ERG: variants seen among roughly 807,000 people sequenced by gnomAD.
The protein encoded by ERG is transcriptional regulator ERG.
Under a neutral mutation model 55.3 loss-of-function variants are expected in ERG, and 9 were observed. That is an observed-to-expected ratio of 0.16 (90% CI 0.10 to 0.28). ERG has a LOEUF of 0.28. ERG is among the 10% of genes least tolerant of loss of function. ERG has a pLI of 1.00. For missense variants in ERG, 434 were observed against 631.6 expected (o/e 0.69, Z 3.35); for synonymous variants, 223 against 237.3 (o/e 0.94, Z 0.55).
intron 1 of ERG, among the ~76,000 whole-genome samples, chr21:38,597,107 A>T (rs1283956404): frequency 2.0e-5 from 3 of 152,208 alleles, no homozygotes; most frequent in African/African-American, 7.2e-5. Context: ...GAGAAAAGGA[A>T]AGATCATTGC....
At position 38,650,885 on chromosome 21, in the gene ERG, A is replaced by G. The variant is rs553101857; in HGVS notation, c.-150+10773T>C. ...CCTTGTAAAGGTTAATTCTATAGCAATACATTTAGTTGATGTGCTTTCTTC... is the reference window on the plus strand; with the variant it reads ...CCTTGTAAAGGTTAATTCTATAGCAGTACATTTAGTTGATGTGCTTTCTTC... On this transcript the variant is annotated intron_variant, in intron 1 of 10. Transcript: ENST00000398910. Among the ~76,000 whole-genome samples, 20 of 152,366 alleles carry G rather than the reference A, an allele frequency of 1.3e-4. No homozygotes were observed. The South Asian group carries it at 2.1e-3, about 16-fold the overall frequency.
chr21:38,646,715 A>G (rs2836591), intron 1 of ERG, among the ~76,000 whole-genome samples: 9,411 of 152,028 alleles, frequency 0.062, 931 homozygotes, highest in African/African-American at 0.21. Context: ...ATACCGGCCC[A>G]GTTTTGTTTC....
intron 2 of ERG, among the ~76,000 whole-genome samples, chr21:38,527,011 A>C (rs143003401): frequency 6.6e-6 from 1 of 152,172 alleles, no homozygotes. Flanking sequence ...ATGTTCACCA[A>C]TTCCTAAGAA....
At chr21:38,489,243 A>C (rs1355456618) in intron 1 of ERG, among the ~76,000 whole-genome samples, 2 of 152,244 alleles carry the variant, frequency 1.3e-5, no homozygotes, top group African/African-American at 4.8e-5. Context: ...GGCTTTAAAA[A>C]ATGTATACAT....
At chr21:38,375,980 T>C (rs1987231834), downstream of ERG, among the ~76,000 whole-genome samples, 3 of 152,216 alleles carry the variant, frequency 2.0e-5, no homozygotes, top group Non-Finnish European at 2.9e-5. Context: ...TAGCATCATA[T>C]GAATAATCAT....
chr21:38,628,252 C>T (rs1479994054), intron 1 of ERG, among the ~76,000 whole-genome samples: 1 of 152,136 alleles, frequency 6.6e-6, no homozygotes, highest in Middle Eastern at 3.2e-3. Context: ...ACACAGCCTG[C>T]TTTTTCTTTC....
chr21:38,592,292 C>T (rs1369092873), intron 1 of ERG, among the ~76,000 whole-genome samples: 3 of 152,192 alleles, frequency 2.0e-5, no homozygotes. Flanking sequence ...GAGGAGCCAG[C>T]TCTAGCACAC....
chr21:38,493,932 G>A (rs923414067), intron 1 of ERG, among the ~76,000 whole-genome samples: 45 of 152,196 alleles, frequency 3.0e-4, no homozygotes, highest in African/African-American at 1.0e-3. Flanking sequence ...ATGTTGAGAC[G>A]AGTGAGTGCA....
At chr21:38,594,207 T>TA (rs1027789850) in intron 1 of ERG, among the ~76,000 whole-genome samples, 32 of 152,192 alleles carry the variant, frequency 2.1e-4, no homozygotes, top group African/African-American at 7.7e-4. Context: ...CACTGAGTTT[T>TA]GACTGGTTTA....
intron 1 of ERG, among the ~76,000 whole-genome samples, chr21:38,464,969 G>A (rs116315836): frequency 0.013 from 1,965 of 152,216 alleles, 41 homozygotes; most frequent in African/African-American, 0.045. Flanking sequence ...TATTGTTGAT[G>A]AGCATTTGAG....
At chr21:38,500,602 C>T (rs1308139576), upstream of ERG, among the ~76,000 whole-genome samples, 2 of 152,158 alleles carry the variant, frequency 1.3e-5, no homozygotes, top group Admixed American at 1.3e-4. Flanking sequence ...CACACATGCT[C>T]TCTCTCTCTC....
chr21:38,654,757 A>G (rs1031812181), intron 1 of ERG, among the ~76,000 whole-genome samples: 12 of 152,164 alleles, frequency 7.9e-5, no homozygotes, highest in Admixed American at 7.9e-4. Context: ...TTTTTCCTCC[A>G]CTTTTGCTTA....
intron 2 of ERG, among the ~76,000 whole-genome samples, chr21:38,517,704 C>T (rs1280724596): frequency 6.6e-6 from 1 of 152,112 alleles, no homozygotes; most frequent in Admixed American, 6.6e-5. Flanking sequence ...ATGAAATCAA[C>T]CTAAATGTCC....
chr21:38,378,694 T>G (rs1987307111), downstream of ERG, among the ~76,000 whole-genome samples: 1 of 152,146 alleles, frequency 6.6e-6, no homozygotes, highest in Non-Finnish European at 1.5e-5. Context: ...GGCCCAGAAT[T>G]GATGTTGCAG....
In ERG at chr21:38,402,604, TCAA is replaced by T; in HGVS notation, c.623_625del (p.Val208del). 1 of 1,599,824 alleles carries T rather than the reference TCAA, an allele frequency of 6.3e-7. No homozygotes were observed. The highest frequency in any genetic ancestry group is 1.4e-5 in the African/African-American group (1 of 71,716). On this transcript the variant is annotated inframe_deletion, in exon 5 of 10. Coordinates refer to ENST00000288319, the MANE Select transcript of ERG (RefSeq NM_182918.4). ...CCGTGGAGAGTTTTGTAAGGCTTTA[TCAA>T]CATCATCTGAAGTCAAATGTGGAAG...
intron 2 of ERG, among the ~76,000 whole-genome samples, chr21:38,537,433 GA>G (rs111811547): frequency 1.0e-3 from 118 of 117,426 alleles, no homozygotes; most frequent in African/African-American, 4.1e-3. Flanking sequence ...TTAATATCCA[GA>G]AAAAAAAATA....
chr21:38,633,194 GAAAATAGAATGGGTT>G (rs2060367561), intron 1 of ERG, among the ~76,000 whole-genome samples: 1 of 152,220 alleles, frequency 6.6e-6, no homozygotes, highest in Non-Finnish European at 1.5e-5. Context: ...CATGGAAACA[GAAAATAGAATGGGTT>G]ACCACAGGCT....
chr21:38,451,903 T>G (rs2058945313), intron 1 of ERG, among the ~76,000 whole-genome samples: 1 of 152,252 alleles, frequency 6.6e-6, no homozygotes, highest in African/African-American at 2.4e-5. Context: ...TGAAAGAAGC[T>G]TCACAAAGCT....
chr21:38,598,006 G>A (rs1167833266), intron 1 of ERG, among the ~76,000 whole-genome samples: 1 of 152,198 alleles, frequency 6.6e-6, no homozygotes, highest in Non-Finnish European at 1.5e-5. Flanking sequence ...AGGTGCTCAG[G>A]TTGTGTGGAG....
Sources: gnomAD v4.1 joint callset for allele counts (sites outside exome capture counted in the v4.1 genomes callset) on GRCh38, gnomAD v4.1.1 for gene constraint, MANE v1.5 for transcripts, NCBI Gene and HGNC (gene_info 2026-07-23, HGNC 2026-07-21) for gene names.